The following SCN10A variants were observed in gnomAD, a reference collection of about 807,000 sequenced individuals.
SCN10A encodes the protein sodium channel protein type 10 subunit alpha.
In SCN10A, 162 loss-of-function variants were observed where a neutral mutation model predicts 170.7. The ratio of observed to expected loss-of-function variants is 0.95; its 90% confidence interval spans 0.84 to 1.08. The LOEUF is 1.08. Among genes scored for constraint, SCN10A ranks in the 50% least tolerant of loss-of-function variants. The pLI, the probability that SCN10A is intolerant of heterozygous loss-of-function variation, is 0.00. For missense variants in SCN10A, 2,527 were observed against 2,436.9 expected (o/e 1.04, Z -0.78); for synonymous variants, 985 against 904.6 (o/e 1.09, Z -1.59).
chr3:38,702,189 T>C, intron 26 of SCN10A, 80 bp from the exon 27 acceptor site: 2 of 1,424,516 alleles, frequency 1.4e-6, no homozygotes, highest in Non-Finnish European at 1.9e-6. Flanking sequence ...AGATGAGTTT[T>C]GTCTCCATCA....
chr3:38,768,445 T>C (rs1350350606), intron 5 of SCN10A, among the ~76,000 whole-genome samples: 1 of 152,164 alleles, frequency 6.6e-6, no homozygotes, highest in Admixed American at 6.5e-5. Context: ...TAGTGGAAAA[T>C]TCTCTCACCA....
rs1341023150 is a variant in SCN10A, at chr3:38,722,374, T to A, written c.3391A>T (p.Thr1131Ser). 6.2e-7 allele frequency: 1 copy of A among 1,613,962 alleles called. No homozygotes were observed. The highest frequency in any genetic ancestry group is 1.3e-5 in the African/African-American group (1 of 74,888). Residue 1131 changes from threonine (T) to serine (S), a missense_variant, in exon 20 of 28, where the codon ACC becomes TCC. Transcript: ENST00000449082. ...CAGCCCACATCCCATGGACTCTTGGTGGTATCCAGTTTGCAGCAGGGACAG... is the reference window on the plus strand; with the variant it reads ...CAGCCCACATCCCATGGACTCTTGGAGGTATCCAGTTTGCAGCAGGGACAG... ...RHCPCCKLDT[T>S]KSPWDVGWQV...
chr3:38,707,549 G>A (rs1044908535), intron 25 of SCN10A, among the ~76,000 whole-genome samples, 166 bp from the exon 26 acceptor site: 2 of 152,162 alleles, frequency 1.3e-5, no homozygotes, highest in Non-Finnish European at 2.9e-5. Context: ...GTGTCGGAAC[G>A]GTGGGACTGA....
chr3:38,730,440 C>T (rs968368803), intron 15 of SCN10A, among the ~76,000 whole-genome samples: 1 of 152,014 alleles, frequency 6.6e-6, no homozygotes, highest in African/African-American at 2.4e-5. Flanking sequence ...CAAACTATTC[C>T]CTCAAAAATT....
chr3:38,758,769 C>G (rs1559448639), intron 8 of SCN10A, among the ~76,000 whole-genome samples: 1 of 152,182 alleles, frequency 6.6e-6, no homozygotes, highest in Non-Finnish European at 1.5e-5. Context: ...GTCCACTCCC[C>G]CACTGCCTGG....
intron 1 of SCN10A, among the ~76,000 whole-genome samples, chr3:38,813,910 C>G (rs1266108474): frequency 1.3e-5 from 2 of 152,192 alleles, no homozygotes; most frequent in Non-Finnish European, 2.9e-5. Context: ...CCCATATGAT[C>G]CATGACACCA....
At position 38,716,269 on chromosome 3, in the gene SCN10A, C is replaced by T. The variant is rs1333348822; in HGVS notation, c.3682-2189G>A. Among the ~76,000 whole-genome samples, 5 of 152,080 alleles carry T rather than the reference C, an allele frequency of 3.3e-5. No homozygotes were observed. The East Asian group carries it at 7.7e-4, about 23-fold the overall frequency. On this transcript the variant is annotated intron_variant, in intron 21 of 27. Transcript: ENST00000449082. ...AATTGATATGGTTTGGCTGTGTCCC[C>T]ACCCAAATCTTATCTTGAATTCCCA...
At chr3:38,815,908 T>C (rs905188733) in intron 1 of SCN10A, 129 bp downstream of exon 1, 2 of 152,194 alleles carry the variant, frequency 1.3e-5, no homozygotes, top group African/African-American at 4.8e-5. Flanking sequence ...AGGAAGGTCA[T>C]ATATTAAAAC....
intron 14 of SCN10A, among the ~76,000 whole-genome samples, chr3:38,740,302 CTG>C (rs1198442285): frequency 6.6e-6 from 1 of 152,210 alleles, no homozygotes; most frequent in Non-Finnish European, 1.5e-5. Context: ...AATTCTGACA[CTG>C]AGAGAGGTCA....
intron 1 of SCN10A, among the ~76,000 whole-genome samples, chr3:38,796,561 A>G (rs781569717): frequency 9.2e-5 from 14 of 152,212 alleles, no homozygotes; most frequent in Non-Finnish European, 2.1e-4. Flanking sequence ...CCTCTCCAGC[A>G]TGGTAGTCCC....
intron 12 of SCN10A, 51 bp downstream of exon 12, chr3:38,752,168 G>A (rs1386720962): frequency 6.9e-7 from 1 of 1,439,502 alleles, no homozygotes; most frequent in African/African-American, 1.5e-5. Context: ...TTGGCTCAAG[G>A]CTTCTAGGTG....
At chr3:38,798,829 G>A (rs1432744951) in intron 1 of SCN10A, among the ~76,000 whole-genome samples, 2 of 104,304 alleles carry the variant, frequency 1.9e-5, no homozygotes, top group Non-Finnish European at 3.5e-5. Context: ...TCACTCTGTT[G>A]TCCAGGCTGG....
chr3:38,756,251 CA>C (rs1295184327), intron 10 of SCN10A, among the ~76,000 whole-genome samples: 1 of 151,410 alleles, frequency 6.6e-6, no homozygotes, highest in African/African-American at 2.4e-5. Flanking sequence ...CAGCATTCTA[CA>C]AAAAAAGTCT....
intron 16 of SCN10A, among the ~76,000 whole-genome samples, chr3:38,728,281 C>G (rs554284141): frequency 6.6e-6 from 1 of 152,280 alleles, no homozygotes; most frequent in South Asian, 2.1e-4. Context: ...TGCCTGGGGT[C>G]ACCCACCTAG....
intron 15 of SCN10A, among the ~76,000 whole-genome samples, chr3:38,729,874 C>T (rs148734327): frequency 4.8e-4 from 73 of 152,220 alleles, no homozygotes; most frequent in African/African-American, 1.6e-3. Context: ...GTAAATCCCA[C>T]GGGAGGAGGT....
At chr3:38,755,659 G>T in intron 11 of SCN10A, 129 bp downstream of exon 11, 2 of 1,004,990 alleles carry the variant, frequency 2.0e-6, no homozygotes, top group Non-Finnish European at 3.0e-6. Context: ...TTTTGGAGGG[G>T]TGTCTGGATC....
intron 24 of SCN10A, among the ~76,000 whole-genome samples, chr3:38,710,304 C>T (rs1344241526): frequency 2.0e-5 from 3 of 152,134 alleles, no homozygotes; most frequent in African/African-American, 7.2e-5. Flanking sequence ...GGACTACAGG[C>T]ACAAGCCGCC....
chr3:38,802,175 G>A (rs1171914765), intron 1 of SCN10A, among the ~76,000 whole-genome samples: 2 of 152,124 alleles, frequency 1.3e-5, no homozygotes, highest in African/African-American at 2.4e-5. Context: ...ACGAACTATA[G>A]GTCCATAACC....
chr3:38,779,623 T>C (rs1017639173), intron 4 of SCN10A, among the ~76,000 whole-genome samples: 10 of 151,994 alleles, frequency 6.6e-5, no homozygotes, highest in African/African-American at 1.4e-4. Context: ...CTTTTACTGA[T>C]ATAAATATTC....
Sources: allele counts gnomAD v4.1 joint callset (sites outside exome capture counted in the v4.1 genomes callset), GRCh38; gene constraint gnomAD v4.1.1; transcripts MANE v1.5; gene names NCBI Gene and HGNC (gene_info 2026-07-23, HGNC 2026-07-21).